EP300: variants seen among roughly 807,000 people sequenced by gnomAD.
EP300 encodes the protein histone acetyltransferase p300.
Under a neutral mutation model 264.0 loss-of-function variants are expected in EP300, and 31 were observed. That is an observed-to-expected ratio of 0.12 (90% CI 0.09 to 0.16). The LOEUF (loss-of-function observed/expected upper bound fraction) is 0.16. Among genes scored for constraint, EP300 ranks in the 10% least tolerant of loss-of-function variants. The pLI is 1.00. For synonymous variants in EP300, 1,340 were observed against 1,045.4 expected, an observed-to-expected ratio of 1.28 and a Z score of -5.44; for missense variants, 2,766 against 3,052.9, an observed-to-expected ratio of 0.91 and a Z score of 2.21.
chr22:41,093,203 C>T (rs879152162), intron 1 of EP300, 105 bp downstream of exon 1: 2 of 1,133,066 alleles, frequency 1.8e-6, no homozygotes, highest in Non-Finnish European at 2.6e-6. Flanking sequence ...TAGTTCCCTG[C>T]CCCTTAATTA....
chr22:41,166,529 T>G (rs1396309974), intron 22 of EP300, 70 bp from the exon 23 acceptor site: 11 of 1,287,124 alleles, frequency 8.5e-6, no homozygotes, highest in Non-Finnish European at 1.2e-5. Flanking sequence ...CTTTTGAATT[T>G]TAACTTTTTG....
intron 22 of EP300, 135 bp downstream of exon 22, chr22:41,164,265 C>A: frequency 1.2e-6 from 1 of 841,402 alleles, no homozygotes; most frequent in Non-Finnish European, 1.9e-6. Context: ...GGTTTGGCCA[C>A]GATAATTATA....
chr22:41,158,735 A>C (rs1033617418), intron 19 of EP300: 1 of 512,152 alleles, frequency 2.0e-6, no homozygotes, highest in Non-Finnish European at 3.6e-6. Context: ...AAGTTAAGCA[A>C]CTTTGTGAGT....
In EP300 at chr22:41,122,157, C is replaced by CTT. The variant is rs71328774; in HGVS notation, c.730-3684_730-3683dup. On this transcript the variant is annotated intron_variant, in intron 2 of 30. Coordinates refer to ENST00000263253, the MANE Select transcript of EP300 (RefSeq NM_001429.4). ...GAAGGTTTTTTTCTTTCTTCTTCTT[C>CTT]TTTTTTTTTTTTTTTTTTTTTTTTG... is the stretch of plus-strand genomic sequence containing the variant. Among the ~76,000 whole-genome samples the CTT allele has an allele frequency of 6.1e-3, 219 of 35,806 alleles. 2 individuals are homozygous for CTT. The highest frequency in any genetic ancestry group is 0.012 in the African/African-American group (175 of 14,288). 23.5% of individuals were successfully genotyped at this position (35,806 alleles called of 152,430 possible).
At chr22:41,152,466 C>A in intron 16 of EP300, 116 bp downstream of exon 16, 1 of 1,204,258 alleles carries the variant, frequency 8.3e-7, no homozygotes, top group Non-Finnish European at 1.2e-6. Flanking sequence ...TTTCATTAAC[C>A]TGGAAGCCCT....
At chr22:41,154,842 A>G (rs1288937013) in intron 16 of EP300, among the ~76,000 whole-genome samples, 153 bp from the exon 17 acceptor site, 1 of 152,228 alleles carries the variant, frequency 6.6e-6, no homozygotes, top group African/African-American at 2.4e-5. Context: ...ATCTAGAATC[A>G]GTGATTGAGC....
intron 1 of EP300, among the ~76,000 whole-genome samples, chr22:41,115,895 A>G (rs1263719752): frequency 6.6e-6 from 1 of 152,234 alleles, no homozygotes; most frequent in African/African-American, 2.4e-5. Context: ...AAAATGGTGG[A>G]TAGCCCTCTG....
rs1601643256 is a variant in EP300, at chr22:41,179,296, T to TA, written c.*343dup. Reference sequence around the variant, plus strand: ...CTCCAATAGGTTTTATTATTTTTTTTAAATTAATGAACATATGTAATATTA... The same window carrying TA: ...CTCCAATAGGTTTTATTATTTTTTTTAAAATTAATGAACATATGTAATATTA... On this transcript the variant is annotated 3_prime_UTR_variant, in exon 31 of 31. Coordinates refer to ENST00000263253, the MANE Select transcript of EP300 (RefSeq NM_001429.4). The TA allele has an allele frequency of 3.4e-6, 1 of 293,530 alleles. No homozygotes were observed. The highest frequency in any genetic ancestry group is 5.1e-5 in the East Asian group (1 of 19,668). 18.2% of individuals were successfully genotyped at this position (293,530 alleles called of 1,614,324 possible).
At position 41,179,883 on chromosome 22, in the gene EP300, CACACACA is replaced by C. The variant is rs1283436307; in HGVS notation, c.*928_*934del. On this transcript the variant is annotated 3_prime_UTR_variant, in exon 31 of 31. Transcript: ENST00000263253. ...TCCTCCTTACCCTACCCCCCACTCA[CACACACA>C]CACACACACACACACACACACACAC... The C allele has an allele frequency of 2.3e-4, 4 of 17,182 alleles. No homozygotes were observed. The highest frequency in any genetic ancestry group is 1.0e-3 in the African/African-American group (4 of 3,958). 1.1% of individuals were successfully genotyped at this position (17,182 alleles called of 1,614,324 possible). A position where few individuals can be genotyped will look rare whatever the true frequency, so the allele number is the denominator to read the frequency against.
intron 1 of EP300, among the ~76,000 whole-genome samples, chr22:41,112,304 TTCAG>T (rs1415813362): frequency 2.7e-5 from 4 of 150,374 alleles, no homozygotes; most frequent in Non-Finnish European, 4.4e-5. Context: ...GATTCCTTGC[TTCAG>T]CCTCCCAAGT....
chr22:41,145,842 A>G (rs5758246), intron 10 of EP300, among the ~76,000 whole-genome samples: 6,176 of 151,068 alleles, frequency 0.041, 418 homozygotes, highest in East Asian at 0.2. Context: ...TCACCGTGCT[A>G]TCTAGGATGG....
At chr22:41,107,943 A>T (rs1160421215) in intron 1 of EP300, 2 of 151,956 alleles carry the variant, frequency 1.3e-5, no homozygotes, top group African/African-American at 4.8e-5. Context: ...ACCTCAGGTG[A>T]TAGCTTGCCT....
chr22:41,100,634 C>T (rs545020610), intron 1 of EP300, among the ~76,000 whole-genome samples: 67 of 151,964 alleles, frequency 4.4e-4, no homozygotes, highest in Non-Finnish European at 7.2e-4. Context: ...CAATACAGTG[C>T]ACCAACTATT....
rs116203250 is a variant in EP300, at chr22:41,115,821, C to T, written c.95-1366C>T. ...TTAAGGAAAGCTATTCTGTAGGCTACAGGTCAAAAACTCCGCCTGTTAAAG... is the reference window on the plus strand; with the variant it reads ...TTAAGGAAAGCTATTCTGTAGGCTATAGGTCAAAAACTCCGCCTGTTAAAG... On this transcript the variant is annotated intron_variant, in intron 1 of 30. Coordinates refer to ENST00000263253, the MANE Select transcript of EP300 (RefSeq NM_001429.4). Among the ~76,000 whole-genome samples the T allele has an allele frequency of 2.1e-3, 315 of 152,286 alleles. 1 individual carries two copies. The highest frequency in any genetic ancestry group is 7.2e-3 in the African/African-American group (301 of 41,548).
chr22:41,145,469 G>T (rs2059005393), intron 10 of EP300, among the ~76,000 whole-genome samples: 1 of 152,220 alleles, frequency 6.6e-6, no homozygotes, highest in Non-Finnish European at 1.5e-5. Flanking sequence ...TACAGCCCTT[G>T]ATGGAGGGTA....
chr22:41,108,238 CTTTTTCTTTTT>C (rs1336748672), intron 1 of EP300: 1 of 131,462 alleles, frequency 7.6e-6, no homozygotes, highest in African/African-American at 3.0e-5. Context: ...TTTTCTTTTT[CTTTTTCTTTTT>C]TTTTTTTTTT....
At chr22:41,149,688 A>G (rs1035299841) in intron 13 of EP300, 73 bp from the exon 14 acceptor site, 74 of 1,465,686 alleles carry the variant, frequency 5.0e-5, no homozygotes, top group Non-Finnish European at 5.7e-6. Context: ...CTAAATTTAT[A>G]TATCATGCCT....
chr22:41,147,303 CAAAAAA>C (rs11306415), intron 11 of EP300, among the ~76,000 whole-genome samples: 1 of 123,142 alleles, frequency 8.1e-6, no homozygotes, highest in Non-Finnish European at 1.7e-5. Flanking sequence ...GACTTCGTCT[CAAAAAA>C]AAAAAAAAAA....
At position 41,149,102 on chromosome 22, in the gene EP300, A is replaced by T. The variant is rs1162871227; in HGVS notation, c.2306A>T (p.Gln769Leu). ...SNQGQFLPQTQFPSQGMNVTN... is the reference protein window; with the variant it reads ...SNQGQFLPQTLFPSQGMNVTN... ...CAGGGCCAGTTCCTTCCTCAGACTCAGTTCCCATCACAGGGAATGAATGTA... is the reference window on the plus strand; with the variant it reads ...CAGGGCCAGTTCCTTCCTCAGACTCTGTTCCCATCACAGGGAATGAATGTA... Residue 769 changes from glutamine (Q) to leucine (L), a missense_variant, in exon 13 of 31, where the codon CAG (glutamine) becomes CTG (leucine). Physicochemically the swap from Gln to Leu is moderately radical, Grantham distance 113 (BLOSUM62 -2). Transcript: ENST00000263253. 1 of 1,612,884 alleles carries T rather than the reference A, an allele frequency of 6.2e-7. No individual in the cohort carries two copies. The highest frequency in any genetic ancestry group is 2.2e-5 in the East Asian group (1 of 44,856).
Sources: gnomAD v4.1 joint callset for allele counts (sites outside exome capture counted in the v4.1 genomes callset) on GRCh38, gnomAD v4.1.1 for gene constraint, MANE v1.5 for transcripts, NCBI Gene and HGNC (gene_info 2026-07-23, HGNC 2026-07-21) for gene names.